Variants in ALK observed in about 807,000 individuals in gnomAD.
ALK encodes the protein ALK receptor tyrosine kinase, also known as ALK tyrosine kinase receptor.
ALK carries 74 observed loss-of-function variants against 163.1 expected under a neutral mutation model. The observed-to-expected ratio is 0.45, with a 90% CI of 0.38 to 0.55. ALK has a LOEUF of 0.55. Ranked by LOEUF, ALK falls within the 20% of genes least tolerant of loss-of-function variation. The pLI, the probability that ALK is intolerant of heterozygous loss-of-function variation, is 0.00. For missense variants in ALK, 2,063 were observed against 2,105.3 expected (o/e 0.98, Z 0.39); for synonymous variants, 960 against 843.2 (o/e 1.14, Z -2.40).
chr2:29,850,464 A>G (rs1323252830), intron 1 of ALK, among the ~76,000 whole-genome samples: 2 of 152,232 alleles, frequency 1.3e-5, no homozygotes, highest in Non-Finnish European at 2.9e-5. Context: ...ATACTTCTAT[A>G]AAAAGGTTTA....
At chr2:29,647,500 G>T (rs6547966) in intron 3 of ALK, among the ~76,000 whole-genome samples, 120,381 of 152,086 alleles carry the variant, frequency 0.79, 48,228 homozygotes, top group African/African-American at 0.92. Flanking sequence ...AATCTTTCAT[G>T]TTTAGTGGCC....
rs551476014 is a variant in ALK, at chr2:29,269,978, G to T, written c.2041+5121C>A. Among the ~76,000 whole-genome samples, 4 of 152,352 alleles carry T rather than the reference G, an allele frequency of 2.6e-5. No homozygotes were observed. The South Asian group carries it at 8.3e-4, about 32-fold the overall frequency. On this transcript the variant is annotated intron_variant, in intron 11 of 28. Coordinates refer to ENST00000389048, the MANE Select transcript of ALK (RefSeq NM_004304.5). Reference sequence around the variant, plus strand: ...AGTGAAGATGCAGATGTGCTCTGTTGAAACGAAAACTAACATAAGAAGCCA... The same window carrying T: ...AGTGAAGATGCAGATGTGCTCTGTTTAAACGAAAACTAACATAAGAAGCCA...
At chr2:29,592,539 C>T (rs942131252) in intron 3 of ALK, among the ~76,000 whole-genome samples, 1 of 152,114 alleles carries the variant, frequency 6.6e-6, no homozygotes. Context: ...TGCTGGAGGC[C>T]ACAAAGCCTC....
In ALK at chr2:29,581,934, G is replaced by A. The variant is rs1449614569; in HGVS notation, c.953-49818C>T. Among the ~76,000 whole-genome samples the A allele has an allele frequency of 1.3e-5, 2 of 152,206 alleles. 1 individual carries two copies. The highest frequency in any genetic ancestry group is 4.1e-4 in the South Asian group (2 of 4,830). ...ACTAAGGGAAGACTGGGCATGGGTG[G>A]TGCCTCTGCAGAGTAGGCTGCAGGA... is the stretch of plus-strand genomic sequence containing the variant. On this transcript the variant is annotated intron_variant, in intron 3 of 28. Coordinates refer to ENST00000389048, the MANE Select transcript of ALK (RefSeq NM_004304.5).
intron 1 of ALK, among the ~76,000 whole-genome samples, chr2:29,748,756 T>C (rs1680275078): frequency 6.6e-6 from 1 of 152,154 alleles, no homozygotes; most frequent in South Asian, 2.1e-4. Context: ...ATATCACTTT[T>C]TTTTTTTGAA....
chr2:29,889,614 C>G (rs578010062), intron 1 of ALK, among the ~76,000 whole-genome samples: 10 of 151,920 alleles, frequency 6.6e-5, no homozygotes, highest in African/African-American at 2.4e-4. Context: ...GGAAAACACC[C>G]ACTTCCTGGG....
At chr2:29,330,610 G>A (rs1482518173) in intron 5 of ALK, among the ~76,000 whole-genome samples, 1 of 152,170 alleles carries the variant, frequency 6.6e-6, no homozygotes, top group African/African-American at 2.4e-5. Context: ...CGAATCCCTG[G>A]GGCCCGTGAA....
chr2:29,832,020 T>C (rs902268616), intron 1 of ALK, among the ~76,000 whole-genome samples: 5 of 152,190 alleles, frequency 3.3e-5, no homozygotes, highest in Admixed American at 2.6e-4. Flanking sequence ...GAAGAACCTC[T>C]AGCAACAGGA....
chr2:29,331,008 A>G (rs1667422868), intron 5 of ALK, among the ~76,000 whole-genome samples: 1 of 152,212 alleles, frequency 6.6e-6, no homozygotes, highest in South Asian at 2.1e-4. Context: ...GCAGCAATAG[A>G]GAATGAACAC....
chr2:29,388,067 C>T (rs4074519), intron 4 of ALK, among the ~76,000 whole-genome samples: 9,102 of 152,114 alleles, frequency 0.06, 551 homozygotes, highest in East Asian at 0.32. Flanking sequence ...GAAAAATCTA[C>T]AAAAAAATCA....
intron 4 of ALK, among the ~76,000 whole-genome samples, chr2:29,431,540 T>C (rs1670273265): frequency 6.6e-6 from 1 of 152,348 alleles, no homozygotes; most frequent in South Asian, 2.1e-4. Context: ...CCTTTCTTTT[T>C]GCCCAGGCTT....
chr2:29,452,139 A>G (rs2148093042), intron 4 of ALK, among the ~76,000 whole-genome samples: 1 of 152,170 alleles, frequency 6.6e-6, no homozygotes, highest in African/African-American at 2.4e-5. Flanking sequence ...CCACTTACAG[A>G]CGTCACTTGA....
At chr2:29,655,050 G>A (rs1677146745) in intron 3 of ALK, among the ~76,000 whole-genome samples, 1 of 152,178 alleles carries the variant, frequency 6.6e-6, no homozygotes, top group South Asian at 2.1e-4. Context: ...CTGAGCTGCT[G>A]AAGACCAGAT....
intron 1 of ALK, among the ~76,000 whole-genome samples, chr2:29,915,814 T>C (rs985802190): frequency 3.3e-5 from 5 of 152,230 alleles, no homozygotes; most frequent in African/African-American, 1.2e-4. Context: ...GATACACAAT[T>C]CTCTGGTGAT....
intron 1 of ALK, among the ~76,000 whole-genome samples, chr2:29,765,789 T>C (rs1206026116): frequency 6.6e-6 from 1 of 152,192 alleles, no homozygotes; most frequent in African/African-American, 2.4e-5. Flanking sequence ...TGGGAGATGT[T>C]TAACAAGCTC....
At chr2:29,653,474 T>G (rs945628681) in intron 3 of ALK, among the ~76,000 whole-genome samples, 1 of 152,120 alleles carries the variant, frequency 6.6e-6, no homozygotes, top group Non-Finnish European at 1.5e-5. Context: ...TGGATCGTCT[T>G]CCGTTGAAAT....
intron 15 of ALK, 65 bp downstream of exon 15, chr2:29,232,239 G>A: frequency 6.2e-7 from 1 of 1,606,502 alleles, no homozygotes; most frequent in Non-Finnish European, 8.5e-7. Context: ...GGCATGCGAT[G>A]GCATCGGGGC....
At chr2:29,482,295 A>G (rs1671681223) in intron 4 of ALK, among the ~76,000 whole-genome samples, 1 of 152,126 alleles carries the variant, frequency 6.6e-6, no homozygotes, top group African/African-American at 2.4e-5. Context: ...TTAGAGCCAT[A>G]ATTTCATAAA....
At chr2:29,776,973 G>C (rs9973437) in intron 1 of ALK, among the ~76,000 whole-genome samples, 8,159 of 152,126 alleles carry the variant, frequency 0.054, 316 homozygotes, top group African/African-American at 0.11. Context: ...AGAAACAAGG[G>C]TTCTGACCCC....
Sources: gnomAD v4.1 joint callset for allele counts (sites outside exome capture counted in the v4.1 genomes callset) on GRCh38, gnomAD v4.1.1 for gene constraint, MANE v1.5 for transcripts, NCBI Gene and HGNC (gene_info 2026-07-23, HGNC 2026-07-21) for gene names.